DYM: variants seen among roughly 807,000 people sequenced by gnomAD.
DYM encodes dyggve-Melchior-Clausen syndrome protein.
A neutral mutation model predicts 93.1 loss-of-function variants in DYM; 78 were observed. That is an observed-to-expected ratio of 0.84 (90% confidence interval 0.70 to 1.01). The LOEUF (loss-of-function observed/expected upper bound fraction) is 1.01, where lower values mean the gene tolerates loss of function less well. Among genes scored for constraint, DYM ranks in the 50% least tolerant of loss-of-function variants. The pLI is 0.00. For synonymous variants in DYM, 321 were observed against 319.7 expected (o/e 1.00, Z -0.04); for missense variants, 789 against 845.0 (o/e 0.93, Z 0.82).
At chr18:49,303,963 A>G (rs551184316) in intron 8 of DYM, among the ~76,000 whole-genome samples, 1 of 152,332 alleles carries the variant, frequency 6.6e-6, no homozygotes, top group South Asian at 2.1e-4. Context: ...AGAGCTCCTC[A>G]TGCACATACA....
intron 13 of DYM, among the ~76,000 whole-genome samples, chr18:49,232,762 C>A (rs570004552): frequency 6.6e-6 from 1 of 151,958 alleles, no homozygotes; most frequent in Non-Finnish European, 1.5e-5. Context: ...ATGCGCGCCA[C>A]CACGCCTGGC....
At chr18:49,392,593 T>A (rs952182006) in intron 2 of DYM, among the ~76,000 whole-genome samples, 11 of 139,840 alleles carry the variant, frequency 7.9e-5, no homozygotes, top group Non-Finnish European at 1.4e-4. Flanking sequence ...AATAAGTACA[T>A]GAAAACATGC....
chr18:49,223,956 A>G (rs553661111), intron 13 of DYM, among the ~76,000 whole-genome samples: 3 of 152,240 alleles, frequency 2.0e-5, no homozygotes, highest in Non-Finnish European at 1.5e-5. Flanking sequence ...TATATAGCAG[A>G]GGAGTCACAG....
rs1443313174 is a variant in DYM at position 49,440,354 on chromosome 18, GTATATGATATATAATATAGCATATTA to G, written c.-53-9933_-53-9908del. On this transcript the variant is annotated intron_variant, in intron 1 of 17. Transcript: ENST00000675505. ...ACTATTATATATGATATATAATATA[GTATATGATATATAATATAGCATATTA>G]TATATGATATATAATATAGCATATT... Among the ~76,000 whole-genome samples the G allele has an allele frequency of 2.4e-3, 282 of 115,228 alleles. 6 individuals carry two copies. Among genetic ancestry groups the G allele is most frequent in the East Asian group, 4.4e-3 (12 of 2,732 alleles). 75.6% of individuals were successfully genotyped at this position (115,228 alleles called of 152,430 possible). A position where few individuals can be genotyped will look rare whatever the true frequency, so the allele number is the denominator to read the frequency against.
chr18:49,163,168 A>T (rs1251753840), intron 15 of DYM, among the ~76,000 whole-genome samples: 1 of 152,154 alleles, frequency 6.6e-6, no homozygotes. Flanking sequence ...TATTGGTTTA[A>T]GGTTGATTTT....
At chr18:49,101,753 C>T (rs1289005231) in intron 16 of DYM, among the ~76,000 whole-genome samples, 1 of 152,068 alleles carries the variant, frequency 6.6e-6, no homozygotes, top group East Asian at 1.9e-4. Flanking sequence ...TTAATCAATA[C>T]ATATATTGAC....
intron 5 of DYM, among the ~76,000 whole-genome samples, 166 bp downstream of exon 5, chr18:49,378,401 C>T (rs2067716019): frequency 6.6e-6 from 1 of 152,084 alleles, no homozygotes; most frequent in Non-Finnish European, 1.5e-5. Flanking sequence ...TGAGTCTTGA[C>T]TCATTTAAAT....
intron 14 of DYM, among the ~76,000 whole-genome samples, chr18:49,192,881 G>A (rs1475191182): frequency 1.3e-5 from 2 of 152,138 alleles, no homozygotes; most frequent in East Asian, 3.9e-4. Context: ...CAGTAGAATG[G>A]TGGTTACCAG....
At chr18:49,404,757 C>T (rs558371278) in intron 2 of DYM, among the ~76,000 whole-genome samples, 93 of 152,264 alleles carry the variant, frequency 6.1e-4, no homozygotes, top group African/African-American at 2.2e-3. Context: ...TGGTGGCTCA[C>T]GCCTGTAATC....
At chr18:49,092,692 GTGA>G (rs1283024770) in intron 17 of DYM, among the ~76,000 whole-genome samples, 1 of 152,130 alleles carries the variant, frequency 6.6e-6, no homozygotes, top group Non-Finnish European at 1.5e-5. Context: ...GGTGATATCG[GTGA>G]TGATGATGAT....
intron 6 of DYM, among the ~76,000 whole-genome samples, chr18:49,343,798 T>C (rs1276928955): frequency 6.6e-6 from 1 of 152,156 alleles, no homozygotes; most frequent in African/African-American, 2.4e-5. Flanking sequence ...CACTTTTTTA[T>C]GATTTAACAC....
At chr18:49,307,496 A>G (rs2061339637) in intron 8 of DYM, among the ~76,000 whole-genome samples, 1 of 152,108 alleles carries the variant, frequency 6.6e-6, no homozygotes, top group Admixed American at 6.6e-5. Flanking sequence ...TATGGACCAT[A>G]CCTGGTTACA....
chr18:49,045,729 C>A (rs151157206), intron 17 of DYM, among the ~76,000 whole-genome samples: 4 of 152,016 alleles, frequency 2.6e-5, no homozygotes, highest in East Asian at 3.9e-4. Flanking sequence ...GGCAGCCAGA[C>A]GAAGGGGAGG....
intron 13 of DYM, among the ~76,000 whole-genome samples, chr18:49,224,327 G>A (rs987755483): frequency 6.6e-6 from 1 of 152,050 alleles, no homozygotes; most frequent in African/African-American, 2.4e-5. Context: ...TCATCTGATT[G>A]GACATGCAGG....
chr18:49,430,476 A>G, intron 1 of DYM, 29 bp from the exon 2 acceptor site: 1 of 1,556,760 alleles, frequency 6.4e-7, no homozygotes, highest in Non-Finnish European at 8.7e-7. Context: ...AAAACTTTAA[A>G]CTTGTTCAAA....
intron 14 of DYM, among the ~76,000 whole-genome samples, chr18:49,202,682 G>A (rs1444959095): frequency 9.7e-6 from 1 of 102,666 alleles, no homozygotes; most frequent in African/African-American, 3.8e-5. Context: ...CTGCCCGGCC[G>A]AGACCCCGTC....
chr18:49,258,399 T>A lies in DYM; in HGVS notation c.1346A>T (p.Tyr449Phe). The change falls in exon 12 of 18, where the codon TAC becomes TTC. Residue 449 changes from tyrosine (Y) to phenylalanine (F), a missense_variant. By Grantham distance (22) the Tyr-to-Phe change is conservative. Around this residue, in one of 3 missense-constraint regions of DYM, gnomAD observed 225 missense variants for 303.0 expected, o/e 0.74. Transcript: ENST00000675505. The part of the protein sequence containing the change: ...LILVVIRTIQ[Y>F]NMTRTRDKYL... ...ACTTACTCGTGTCCTAGTCATGTTG[T>A]ATTGAATGGTTCTTATTACCACCAG... 1 of 1,609,886 alleles carries A rather than the reference T, an allele frequency of 6.2e-7. No individual in the cohort carries two copies. Among genetic ancestry groups the A allele is most frequent in the Non-Finnish European group, 8.5e-7 (1 of 1,176,150 alleles).
chr18:49,258,323 C>T, intron 12 of DYM, 57 bp downstream of exon 12: 1 of 1,250,850 alleles, frequency 8.0e-7, no homozygotes, highest in Non-Finnish European at 1.2e-6. Flanking sequence ...TTGCTTTAAA[C>T]TATCGTCTTA....
rs568718554 is a variant in DYM, at chr18:49,289,196, T to C, written c.764-2580A>G. On this transcript the variant is annotated intron_variant, in intron 8 of 17. Transcript: ENST00000675505. ...GTGAAATTTTGTTAGTATTTAATTA[T>C]AGAAGCATATGTATAAACCTTGAGT... Among the ~76,000 whole-genome samples, 6 of 152,150 alleles carry C rather than the reference T, an allele frequency of 3.9e-5. No homozygotes were observed. In the South Asian group the frequency reaches 8.3e-4, roughly 21 times the overall value.
Sources: allele counts gnomAD v4.1 joint callset (sites outside exome capture counted in the v4.1 genomes callset), GRCh38; gene constraint gnomAD v4.1.1; regional missense constraint gnomAD v4.1.1; transcripts MANE v1.5; gene names NCBI Gene and HGNC (gene_info 2026-07-23, HGNC 2026-07-21).